The following SMIM19 variants were observed in gnomAD, a reference collection of about 807,000 sequenced individuals.
SMIM19 encodes the protein UPF0697 protein C8orf40.
In SMIM19, 6 loss-of-function variants were observed where a neutral mutation model predicts 13.2. That is an observed-to-expected ratio of 0.45 (90% confidence interval 0.25 to 0.90). SMIM19 has a LOEUF of 0.90. SMIM19 is among the 40% of genes least tolerant of loss of function. The pLI is 0.19. For missense variants in SMIM19, 138 were observed against 131.0 expected (o/e 1.05, Z -0.26); for synonymous variants, 46 against 43.1 (o/e 1.07, Z -0.27).
chr8:42,550,809 G>C (rs144928378), intron 3 of SMIM19, among the ~76,000 whole-genome samples: 2 of 152,104 alleles, frequency 1.3e-5, no homozygotes, highest in East Asian at 3.9e-4. Flanking sequence ...GTGAGCACAT[G>C]TGTGGATTTG....
In SMIM19 at chr8:42,548,769, T is replaced by A; in HGVS notation, c.248T>A (p.Met83Lys). The A allele has an allele frequency of 6.2e-7, 1 of 1,613,568 alleles. No homozygotes were observed. Among genetic ancestry groups the A allele is most frequent in the Non-Finnish European group, 8.5e-7 (1 of 1,179,778 alleles). ...ATTCGTTTAAGACAACAACTGGAAA[T>A]GTATTCCATTTGTAAGTATATTCTG... ...SKIRLRQQLE[M>K]YSISRKYDYQ... Residue 83 changes from methionine to lysine, a missense_variant, in exon 3 of 4, where the codon ATG becomes AAG. Physicochemically the swap from Met to Lys is moderately conservative, Grantham distance 95. Coordinates refer to ENST00000417410, the MANE Select transcript of SMIM19 (RefSeq NM_001135674.2).
At chr8:42,550,595 C>G (rs1272528510) in intron 3 of SMIM19, among the ~76,000 whole-genome samples, 2 of 152,200 alleles carry the variant, frequency 1.3e-5, no homozygotes, top group African/African-American at 4.8e-5. Context: ...ACATCTCCTT[C>G]TCTCAGAACT....
chr8:42,552,254 G>A (rs111588370), intron 3 of SMIM19, among the ~76,000 whole-genome samples: 19 of 151,942 alleles, frequency 1.3e-4, no homozygotes, highest in African/African-American at 3.9e-4. Context: ...CCCTATCTCT[G>A]CAAAAAATAA....
intron 1 of SMIM19, 159 bp from the exon 2 acceptor site, chr8:42,546,310 T>G: frequency 1.4e-6 from 1 of 738,298 alleles, no homozygotes; most frequent in Non-Finnish European, 2.0e-6. Flanking sequence ...ATTTAAAATG[T>G]GCCACTTAGA....
intron 3 of SMIM19, among the ~76,000 whole-genome samples, chr8:42,550,150 T>TAAAAA (rs1813623711): frequency 1.3e-5 from 2 of 152,010 alleles, no homozygotes; most frequent in African/African-American, 4.8e-5. Context: ...AAATTCTAAG[T>TAAAAA]AAAGAACTAA....
At chr8:42,545,179 G>C (rs144348157) in intron 1 of SMIM19, among the ~76,000 whole-genome samples, 14 of 152,274 alleles carry the variant, frequency 9.2e-5, no homozygotes, top group African/African-American at 3.4e-4. Flanking sequence ...CCCAACACAA[G>C]GGAGGAACTC....
chr8:42,541,943 G>A lies in SMIM19; in HGVS notation c.-435G>A, dbSNP rs1813233690. 1 of 152,186 alleles carries A rather than the reference G, an allele frequency of 6.6e-6. No homozygotes were observed. The highest frequency in any genetic ancestry group is 1.5e-5 in the Non-Finnish European group (1 of 68,040). The allele number at this position is 152,186 out of a possible 1,614,324, so 9.4% of individuals were successfully genotyped here. A position where few individuals can be genotyped will look rare whatever the true frequency, so the allele number is the denominator to read the frequency against. On this transcript the variant is annotated 5_prime_UTR_variant, in exon 1 of 4. Transcript: ENST00000417410. ...CCGGAAGCGCACACGGGCCAGTTGC[G>A]GCGGCCCATCTGCCGGGGCGGCGGG...
Position 42,552,729 on chromosome 8 carries a change from C to T in SMIM19, c.*121C>T, listed in dbSNP as rs910166749. 1.4e-5 allele frequency: 17 copies of T among 1,227,828 alleles called. No homozygotes were observed. Among genetic ancestry groups the T allele is most frequent in the African/African-American group, 3.0e-5 (2 of 65,916 alleles). 76.1% of individuals were successfully genotyped at this position (1,227,828 alleles called of 1,614,324 possible). A position where few individuals can be genotyped will look rare whatever the true frequency, so the allele number is the denominator to read the frequency against. On this transcript the variant is annotated 3_prime_UTR_variant, in exon 4 of 4. Coordinates refer to ENST00000417410, the MANE Select transcript of SMIM19 (RefSeq NM_001135674.2). Reference sequence around the variant, plus strand: ...AATTATTTTACTTGTAACTTTTCCCCAATTGTTCTGTGCATTGTTTTGCCT... The same window carrying T: ...AATTATTTTACTTGTAACTTTTCCCTAATTGTTCTGTGCATTGTTTTGCCT...
chr8:42,541,299 A>ACCCGCCGCCGCCGCGAGC (rs1813124848), upstream of SMIM19: 1 of 148,476 alleles, frequency 6.7e-6, no homozygotes, highest in African/African-American at 2.4e-5. Context: ...GGGGGACGCA[A>ACCCGCCGCCGCCGCGAGC]CCCGCCGCCG....
intron 1 of SMIM19, among the ~76,000 whole-genome samples, chr8:42,546,210 A>T (rs981602649): frequency 2.0e-5 from 3 of 152,248 alleles, no homozygotes; most frequent in South Asian, 2.1e-4. Flanking sequence ...TGTATTTTTT[A>T]AAATTTGTAT....
rs1452738142 is a variant in SMIM19, at chr8:42,548,705, A to G, written c.184A>G (p.Thr62Ala). The change falls in exon 3 of 4, where the codon ACT becomes GCT. Residue 62 changes from threonine (T) to alanine (A), a missense_variant. Transcript: ENST00000417410. Reference sequence around the variant, plus strand: ...ATTCAGTGTGCCACCTACAGAGGAAACTTTGTCAGAGCCCAACTTTTATGA... The same window carrying G: ...ATTCAGTGTGCCACCTACAGAGGAAGCTTTGTCAGAGCCCAACTTTTATGA... ...RIFSVPPTEETLSEPNFYDTI... is the reference protein window; with the variant it reads ...RIFSVPPTEEALSEPNFYDTI... The G allele has an allele frequency of 5.6e-6, 9 of 1,613,816 alleles. No individual in the cohort carries two copies. Among genetic ancestry groups the G allele is most frequent in the Middle Eastern group, 1.6e-4 (1 of 6,080 alleles).
At chr8:42,551,259 A>G (rs917146597) in intron 3 of SMIM19, among the ~76,000 whole-genome samples, 34 of 150,782 alleles carry the variant, frequency 2.3e-4, no homozygotes, top group African/African-American at 8.3e-4. Flanking sequence ...CAGAACTTGC[A>G]GGGAGCTGAG....
intron 3 of SMIM19, among the ~76,000 whole-genome samples, chr8:42,549,411 C>CA (rs559738755): frequency 2.1e-3 from 274 of 127,948 alleles, no homozygotes; most frequent in Middle Eastern, 7.6e-3. Flanking sequence ...GACTCCGTCT[C>CA]AAAAAAAAAA....
rs367994399 is a variant in SMIM19 at position 42,545,188 on chromosome 8, TC to T, written c.-4-1280del. Among the ~76,000 whole-genome samples, 131 of 152,344 alleles carry T rather than the reference TC, an allele frequency of 8.6e-4. 1 individual carries two copies. The highest frequency in any genetic ancestry group is 3.0e-3 in the African/African-American group (125 of 41,590). On this transcript the variant is annotated intron_variant, in intron 1 of 3. Transcript: ENST00000417410. Reference sequence around the variant, plus strand: ...TTATGTCCCAACACAAGGGAGGAACTCTCTTTAAAGAAAAATTCAGTTAACT... The same window carrying T: ...TTATGTCCCAACACAAGGGAGGAACTTCTTTAAAGAAAAATTCAGTTAACT...
Position 42,547,164 on chromosome 8 carries a change from C to G in SMIM19, c.134+558C>G, listed in dbSNP as rs570942817. ...CCTCCTGAGGTCAGGAGTTCAAGACCAGTCTGGCCAACATGGTGAACCCCG... is the reference window on the plus strand; with the variant it reads ...CCTCCTGAGGTCAGGAGTTCAAGACGAGTCTGGCCAACATGGTGAACCCCG... On this transcript the variant is annotated intron_variant, in intron 2 of 3. Coordinates refer to ENST00000417410, the MANE Select transcript of SMIM19 (RefSeq NM_001135674.2). Among the ~76,000 whole-genome samples, 51 of 151,700 alleles carry G rather than the reference C, an allele frequency of 3.4e-4. 1 individual carries two copies. Among genetic ancestry groups the G allele is most frequent in the Admixed American group, 3.4e-3 (51 of 15,222 alleles).
At position 42,546,351 on chromosome 8, in the gene SMIM19, G is replaced by A. The variant is rs183773249; in HGVS notation, c.-4-118G>A. Reference sequence around the variant, plus strand: ...AAATCCCATTCTTGGCTCATGGGCCGCACACAAACAGGTGGTGGACTGGAT... The same window carrying A: ...AAATCCCATTCTTGGCTCATGGGCCACACACAAACAGGTGGTGGACTGGAT... On this transcript the variant is annotated intron_variant, in intron 1 of 3. Transcript: ENST00000417410. The A allele has an allele frequency of 2.2e-4, 263 of 1,185,854 alleles. 1 individual carries two copies. The highest frequency in any genetic ancestry group is 9.1e-4 in the Admixed American group (27 of 29,732). 73.5% of individuals were successfully genotyped at this position (1,185,854 alleles called of 1,614,324 possible).
intron 2 of SMIM19, chr8:42,548,339 A>T (rs1323212581): frequency 2.2e-6 from 1 of 461,836 alleles, no homozygotes; most frequent in South Asian, 1.5e-5. Context: ...AAGGGAGGAA[A>T]AATCAGCTGT....
chr8:42,546,448 G>C (rs1378453302), intron 1 of SMIM19, 21 bp from the exon 2 acceptor site: 7 of 1,584,844 alleles, frequency 4.4e-6, no homozygotes, highest in Middle Eastern at 1.7e-4. Context: ...AAGAAACCCT[G>C]CTTTCTTTTC....
chr8:42,549,087 G>A (rs1813584171), intron 3 of SMIM19, among the ~76,000 whole-genome samples: 1 of 152,162 alleles, frequency 6.6e-6, no homozygotes. Context: ...AAAGTGTGGT[G>A]CATACAATAG....
Sources: allele counts gnomAD v4.1 joint callset (sites outside exome capture counted in the v4.1 genomes callset), GRCh38; gene constraint gnomAD v4.1.1; transcripts MANE v1.5; gene names NCBI Gene and HGNC (gene_info 2026-07-23, HGNC 2026-07-21).